The following ARHGAP21 variants were observed in gnomAD, a reference collection of about 807,000 sequenced individuals.
The protein encoded by ARHGAP21 is rho GTPase-activating protein 21.
ARHGAP21 carries 38 observed loss-of-function variants against 164.6 expected under a neutral mutation model. The observed-to-expected ratio is 0.23, with a 90% confidence interval of 0.18 to 0.30. The LOEUF (loss-of-function observed/expected upper bound fraction) is 0.30. ARHGAP21 is among the 10% of genes least tolerant of loss of function. ARHGAP21 has a pLI of 1.00. For missense variants in ARHGAP21, 1,822 were observed against 2,370.7 expected, an observed-to-expected ratio of 0.77 and a Z score of 4.81; for synonymous variants, 766 against 857.9, an observed-to-expected ratio of 0.89 and a Z score of 1.87.
intron 4 of ARHGAP21, among the ~76,000 whole-genome samples, chr10:24,654,614 A>C (rs1593178522): frequency 6.6e-6 from 1 of 152,202 alleles, no homozygotes; most frequent in East Asian, 1.9e-4. Context: ...TCAACGAAAT[A>C]AAAGAGGACA....
intron 21 of ARHGAP21, among the ~76,000 whole-genome samples, chr10:24,593,875 T>C (rs1311006375): frequency 6.6e-6 from 1 of 151,774 alleles, no homozygotes; most frequent in African/African-American, 2.4e-5. Context: ...TTCCTTTCTC[T>C]CTTTTTTTTT....
chr10:24,604,525 T>C (rs1257673218), intron 11 of ARHGAP21, among the ~76,000 whole-genome samples, 177 bp from the exon 12 acceptor site: 1 of 152,234 alleles, frequency 6.6e-6, no homozygotes, highest in Non-Finnish European at 1.5e-5. Flanking sequence ...TAAAAAATGT[T>C]CCACCTAATA....
intron 11 of ARHGAP21, chr10:24,605,698 G>A (rs1373880922): frequency 2.0e-5 from 3 of 152,118 alleles, no homozygotes; most frequent in Non-Finnish European, 1.5e-5. Flanking sequence ...ATAAAGATGT[G>A]AGTACTCCCC....
intron 4 of ARHGAP21, among the ~76,000 whole-genome samples, chr10:24,637,908 G>A (rs1463992594): frequency 2.7e-5 from 4 of 149,574 alleles, no homozygotes; most frequent in South Asian, 2.1e-4. Flanking sequence ...ACTGTTGCCC[G>A]GGCTGGAGTG....
chr10:24,622,638 A>C, intron 8 of ARHGAP21, 95 bp downstream of exon 8: 1 of 1,325,642 alleles, frequency 7.5e-7, no homozygotes, highest in South Asian at 1.4e-5. Context: ...GATTTCTCTA[A>C]GCAAAAGTGA....
intron 24 of ARHGAP21, 131 bp from the exon 25 acceptor site, chr10:24,589,433 T>C (rs1165094559): frequency 1.4e-6 from 1 of 726,104 alleles, no homozygotes; most frequent in Non-Finnish European, 2.2e-6. Flanking sequence ...TAGAACACAG[T>C]GGATAGTCAG....
intron 2 of ARHGAP21, among the ~76,000 whole-genome samples, chr10:24,690,198 C>T (rs944869428): frequency 2.6e-5 from 4 of 152,010 alleles, no homozygotes; most frequent in Admixed American, 6.6e-5. Context: ...CTACAACTGC[C>T]TTGTAGACCA....
intron 4 of ARHGAP21, among the ~76,000 whole-genome samples, chr10:24,656,496 C>T (rs1245989989): frequency 8.2e-5 from 6 of 72,798 alleles, no homozygotes; most frequent in African/African-American, 3.2e-4. Flanking sequence ...CCCGGCCAGC[C>T]GCCCCGTCCG....
intron 2 of ARHGAP21, among the ~76,000 whole-genome samples, chr10:24,709,142 C>T (rs552106884): frequency 3.9e-5 from 6 of 152,160 alleles, no homozygotes; most frequent in Admixed American, 3.9e-4. Context: ...ATTATGCTCA[C>T]AAACTAGAAA....
intron 7 of ARHGAP21, among the ~76,000 whole-genome samples, chr10:24,625,299 G>GA (rs34935501): frequency 6.1e-4 from 33 of 53,714 alleles, no homozygotes; most frequent in South Asian, 3.4e-3. Context: ...ATGAAACAGA[G>GA]AAAAAAAAAA....
chr10:24,643,867 T>A (rs1472128495), intron 4 of ARHGAP21, among the ~76,000 whole-genome samples: 2 of 152,176 alleles, frequency 1.3e-5, no homozygotes, highest in African/African-American at 4.8e-5. Context: ...TTCAAACTTC[T>A]AGTAACCTTC....
chr10:24,648,159 C>T (rs187874259), intron 4 of ARHGAP21, among the ~76,000 whole-genome samples: 3 of 152,228 alleles, frequency 2.0e-5, no homozygotes, highest in Admixed American at 2.0e-4. Flanking sequence ...AATGCTCAGT[C>T]TTTGCCTCTC....
chr10:24,626,589 T>C (rs1835165096), intron 7 of ARHGAP21, among the ~76,000 whole-genome samples: 1 of 152,168 alleles, frequency 6.6e-6, no homozygotes, highest in Non-Finnish European at 1.5e-5. Flanking sequence ...ATAAATTTCT[T>C]TGTTTATAGG....
intron 2 of ARHGAP21, among the ~76,000 whole-genome samples, chr10:24,712,304 A>G (rs905491869): frequency 2.6e-5 from 4 of 152,184 alleles, no homozygotes; most frequent in African/African-American, 9.7e-5. Context: ...GCAGTGGAGA[A>G]GGCCATGTAC....
At chr10:24,655,093 T>G (rs1279508692) in intron 4 of ARHGAP21, among the ~76,000 whole-genome samples, 1 of 152,216 alleles carries the variant, frequency 6.6e-6, no homozygotes, top group Non-Finnish European at 1.5e-5. Flanking sequence ...CTGGATCCCT[T>G]CCTTACACCT....
intron 11 of ARHGAP21, among the ~76,000 whole-genome samples, chr10:24,606,229 A>G (rs1207535432): frequency 6.6e-6 from 1 of 152,156 alleles, no homozygotes; most frequent in Admixed American, 6.5e-5. Context: ...CCACAGAAAA[A>G]ATTTTAAATA....
intron 4 of ARHGAP21, among the ~76,000 whole-genome samples, chr10:24,660,401 A>AAAAAG (rs1839558378): frequency 6.6e-6 from 1 of 150,574 alleles, no homozygotes; most frequent in Non-Finnish European, 1.5e-5. Context: ...AAAAAAAAAA[A>AAAAAG]AAAAAAAAAG....
chr10:24,649,089 T>C (rs1405539536), intron 4 of ARHGAP21, among the ~76,000 whole-genome samples: 1 of 152,200 alleles, frequency 6.6e-6, no homozygotes, highest in Non-Finnish European at 1.5e-5. Flanking sequence ...TGAGGAAATA[T>C]TACCCATAAT....
At chr10:24,660,514 C>T (rs1839572434) in intron 4 of ARHGAP21, among the ~76,000 whole-genome samples, 1 of 151,766 alleles carries the variant, frequency 6.6e-6, no homozygotes, top group African/African-American at 2.4e-5. Flanking sequence ...CTTCTGATAC[C>T]CCACCCAAAG....
Sources: allele counts gnomAD v4.1 joint callset (sites outside exome capture counted in the v4.1 genomes callset), GRCh38; gene constraint gnomAD v4.1.1; transcripts MANE v1.5; gene names NCBI Gene and HGNC (gene_info 2026-07-23, HGNC 2026-07-21).